Variants in PHF14 observed in about 807,000 individuals in gnomAD.
PHF14 encodes the protein PHD finger protein 14.
Under a neutral mutation model 117.9 loss-of-function variants are expected in PHF14, and 55 were observed. The ratio of observed to expected loss-of-function variants is 0.47; its 90% confidence interval spans 0.38 to 0.58. The LOEUF is 0.58. Among genes scored for constraint, PHF14 ranks in the 20% least tolerant of loss-of-function variants. The probability of loss-of-function intolerance (pLI) is 0.00; values close to 1 mark genes in which losing one functional copy is unlikely to be tolerated. For synonymous variants in PHF14, 409 were observed against 368.6 expected, an observed-to-expected ratio of 1.11 and a Z score of -1.26; for missense variants, 978 against 1,122.2, an observed-to-expected ratio of 0.87 and a Z score of 1.84.
chr7:11,141,603 T>A (rs986497506), intron 17 of PHF14, among the ~76,000 whole-genome samples: 2 of 152,116 alleles, frequency 1.3e-5, no homozygotes, highest in African/African-American at 4.8e-5. Context: ...TATAATAGCC[T>A]AAGTTGCATC....
intron 3 of PHF14, among the ~76,000 whole-genome samples, chr7:10,989,708 G>T (rs572657733): frequency 1.3e-5 from 2 of 152,256 alleles, no homozygotes; most frequent in African/African-American, 4.8e-5. Flanking sequence ...ATAGCTTGCT[G>T]CAGCATTGAA....
chr7:11,108,331 A>G (rs751004489), intron 16 of PHF14: 1 of 151,672 alleles, frequency 6.6e-6, no homozygotes, highest in Non-Finnish European at 1.5e-5. Context: ...ATTGACTTCA[A>G]GATTGGATTC....
intron 17 of PHF14, 105 bp downstream of exon 17, chr7:11,111,572 C>A: frequency 8.2e-5 from 45 of 546,386 alleles, no homozygotes; most frequent in Non-Finnish European, 1.0e-4. Context: ...TATGAAGAAC[C>A]AACATTTTAA....
At chr7:11,003,505 A>G (rs1349678341) in intron 4 of PHF14, among the ~76,000 whole-genome samples, 1 of 152,192 alleles carries the variant, frequency 6.6e-6, no homozygotes, top group East Asian at 1.9e-4. Flanking sequence ...TGTATATTTC[A>G]GGTATACAAT....
intron 16 of PHF14, chr7:11,105,723 C>T: frequency 2.0e-6 from 2 of 984,604 alleles, no homozygotes; most frequent in Non-Finnish European, 2.4e-6. Flanking sequence ...AAGCCTCTTT[C>T]CCATAGTGCT....
chr7:10,979,979 A>T lies in PHF14; in HGVS notation c.113-2393A>T, dbSNP rs564955740. ...AAACATAAAACATTAAAAATTTTTTAAAAAATTGCTTTCTATTCAGGCATG... is the reference window on the plus strand; with the variant it reads ...AAACATAAAACATTAAAAATTTTTTTAAAAATTGCTTTCTATTCAGGCATG... On this transcript the variant is annotated intron_variant, in intron 2 of 17. Coordinates refer to ENST00000634607, the MANE Select transcript of PHF14 (RefSeq NM_001007157.2). Among the ~76,000 whole-genome samples the T allele has an allele frequency of 7.6e-4, 116 of 152,258 alleles. 1 individual carries two copies. Among genetic ancestry groups the T allele is most frequent in the African/African-American group, 2.2e-3 (92 of 41,568 alleles).
At chr7:11,147,206 GGTT>G (rs376635488) in intron 17 of PHF14, among the ~76,000 whole-genome samples, 6 of 152,224 alleles carry the variant, frequency 3.9e-5, no homozygotes, top group Non-Finnish European at 7.4e-5. Context: ...TGTGTTGTTT[GGTT>G]GTACAGGATA....
chr7:11,149,362 T>C (rs1421218336), intron 17 of PHF14, among the ~76,000 whole-genome samples: 1 of 152,160 alleles, frequency 6.6e-6, no homozygotes, highest in African/African-American at 2.4e-5. Flanking sequence ...ATTCAGATTC[T>C]AACTCTACCA....
At position 11,130,079 on chromosome 7, in the gene PHF14, A is replaced by T. The variant is rs930827108; in HGVS notation, c.2772+18612A>T. 6.6e-6 allele frequency among the ~76,000 whole-genome samples: 1 copy of T among 151,368 alleles called. No individual in the cohort carries two copies. The highest frequency in any genetic ancestry group is 2.4e-5 in the African/African-American group (1 of 41,306). On this transcript the variant is annotated intron_variant, in intron 17 of 17. Coordinates refer to ENST00000634607, the MANE Select transcript of PHF14 (RefSeq NM_001007157.2). This position sits in a 1 kb window ranked among gnomAD's most constrained non-coding sequence, Gnocchi z 4.2. ...TCATGTAACGTATCAGTACAGGTTG[A>T]CAGAGCAGCTCTGCTCATTATAGTC...
At chr7:11,102,703 C>G in intron 16 of PHF14, 1 of 1,408,620 alleles carries the variant, frequency 7.1e-7, no homozygotes, top group Non-Finnish European at 9.2e-7. Flanking sequence ...TGGTTTGTTA[C>G]TTGGACTAAC....
intron 16 of PHF14, among the ~76,000 whole-genome samples, chr7:11,070,584 C>G (rs1271105504): frequency 6.6e-6 from 1 of 152,168 alleles, no homozygotes; most frequent in African/African-American, 2.4e-5. Flanking sequence ...TTACTTCTTT[C>G]ATATATTCTT....
At chr7:11,144,034 A>T (rs571009251) in intron 17 of PHF14, among the ~76,000 whole-genome samples, 1 of 152,168 alleles carries the variant, frequency 6.6e-6, no homozygotes, top group East Asian at 1.9e-4. Context: ...CAGCAAAAAA[A>T]CCCCAAATAG....
At chr7:11,094,914 G>A (rs779594341) in intron 16 of PHF14, among the ~76,000 whole-genome samples, 2 of 151,946 alleles carry the variant, frequency 1.3e-5, no homozygotes, top group African/African-American at 2.4e-5. Flanking sequence ...TTATAATTTT[G>A]TAGTTTATCT....
At chr7:10,979,536 T>C (rs1340567056) in intron 2 of PHF14, among the ~76,000 whole-genome samples, 1 of 151,546 alleles carries the variant, frequency 6.6e-6, no homozygotes, top group African/African-American at 2.4e-5. Flanking sequence ...TTTCTTTTTT[T>C]CCTTTCCTTT....
chr7:11,028,956 C>CT lies in PHF14; in HGVS notation c.1455+141dup, dbSNP rs1386992008. The CT allele has an allele frequency of 5.1e-4, 357 of 699,914 alleles. 2 individuals are homozygous for CT. Among genetic ancestry groups the CT allele is most frequent in the East Asian group, 3.0e-5 (1 of 33,044 alleles). The allele number at this position is 699,914 out of a possible 1,614,324, so 43.4% of individuals were successfully genotyped here. A position where few individuals can be genotyped will look rare whatever the true frequency, so the allele number is the denominator to read the frequency against. ...TCTTGCCAAGATCACTGTTCTAAAA[C>CT]TTTAAGAGTAAATGCCTATGAGTTT... On this transcript the variant is annotated intron_variant, in intron 7 of 17. Coordinates refer to ENST00000634607, the MANE Select transcript of PHF14 (RefSeq NM_001007157.2).
chr7:10,984,228 G>A (rs1782141063), intron 3 of PHF14, among the ~76,000 whole-genome samples: 1 of 151,942 alleles, frequency 6.6e-6, no homozygotes, highest in African/African-American at 2.4e-5. Flanking sequence ...TAATTGCTTT[G>A]CTTAAAAATT....
Position 11,042,914 on chromosome 7 carries a change from C to A in PHF14, c.2312+100C>A, listed in dbSNP as rs534298733. ...TATTTGTTCATAATAAAGTATTTGG[C>A]ACATTTTAAAATTGACTGTCATCAA... On this transcript the variant is annotated intron_variant, in intron 13 of 17. Transcript: ENST00000634607. 4.9e-6 allele frequency: 4 copies of A among 822,632 alleles called. No homozygotes were observed. In the East Asian group the frequency reaches 1.2e-4, roughly 25 times the overall value. 51.0% of individuals were successfully genotyped at this position (822,632 alleles called of 1,614,324 possible).
chr7:11,052,150 T>C (rs1273638357), intron 14 of PHF14, among the ~76,000 whole-genome samples: 2 of 152,198 alleles, frequency 1.3e-5, no homozygotes, highest in Non-Finnish European at 2.9e-5. Context: ...TTTTTCTTTA[T>C]AGAAGAGATT....
chr7:10,974,428 AGGATTGGT>A (rs748519663), intron 1 of PHF14, 104 bp downstream of exon 1: 13 of 962,952 alleles, frequency 1.4e-5, no homozygotes, highest in African/African-American at 6.5e-5. Flanking sequence ...GCGGGAAAGC[AGGATTGGT>A]GGACCCTCGC....
Sources: allele counts gnomAD v4.1 joint callset (sites outside exome capture counted in the v4.1 genomes callset), GRCh38; gene constraint gnomAD v4.1.1; non-coding constraint Gnocchi (gnomAD v3.1); transcripts MANE v1.5; gene names NCBI Gene and HGNC (gene_info 2026-07-23, HGNC 2026-07-21).